The following BRWD3 variants were observed in gnomAD, a reference collection of about 807,000 sequenced individuals.
BRWD3 encodes bromodomain and WD repeat domain containing 3.
A neutral mutation model predicts 149.7 loss-of-function variants in BRWD3; 10 were observed. That is an observed-to-expected ratio of 0.07 (90% CI 0.04 to 0.11). BRWD3 has a LOEUF of 0.11. Ranked by LOEUF, BRWD3 falls within the 10% of genes least tolerant of loss-of-function variation. BRWD3 has a pLI of 1.00. For missense variants in BRWD3, 940 were observed against 1,373.2 expected, an observed-to-expected ratio of 0.68 and a Z score of 4.99; for synonymous variants, 504 against 456.7, an observed-to-expected ratio of 1.10 and a Z score of -1.32.
At chrX:80,807,190 C>T (rs2074356403) in intron 4 of BRWD3, among the ~76,000 whole-genome samples, 1 of 111,787 alleles carries the variant, frequency 8.9e-6, no homozygotes, top group African/African-American at 3.3e-5. Context: ...TACAAATTAA[C>T]CTGGCAGTAC....
At chrX:80,768,585 A>C (rs2073894521) in intron 6 of BRWD3, among the ~76,000 whole-genome samples, 1 of 111,756 alleles carries the variant, frequency 8.9e-6, no homozygotes, top group Non-Finnish European at 1.9e-5. Flanking sequence ...AGGAAGCACT[A>C]AACATGGAAA....
chrX:80,808,840 AC>A, intron 3 of BRWD3, among the ~76,000 whole-genome samples, 172 bp downstream of exon 3: 1 of 106,411 alleles, frequency 9.4e-6, no homozygotes. Flanking sequence ...ACGAGTTAAG[AC>A]CCCAGCGTTG....
chrX:80,795,365 A>C (rs1255466150), intron 4 of BRWD3, among the ~76,000 whole-genome samples: 1 of 109,765 alleles, frequency 9.1e-6, no homozygotes, highest in Admixed American at 9.8e-5. Flanking sequence ...ACACACACAC[A>C]CATGTGTATA....
intron 7 of BRWD3, 100 bp downstream of exon 7, chrX:80,745,469 A>C: frequency 1.2e-6 from 1 of 849,426 alleles, no homozygotes; most frequent in Non-Finnish European, 1.7e-6. Flanking sequence ...ATATATCCAA[A>C]AAAAGTGAAC....
chrX:80,802,572 A>C (rs774888335), intron 4 of BRWD3, among the ~76,000 whole-genome samples: 22 of 109,764 alleles, frequency 2.0e-4, no homozygotes, highest in African/African-American at 7.0e-4. Flanking sequence ...CGGTCTCTCT[A>C]TCCTAATTTT....
At chrX:80,685,281 T>C (rs1255676168) in intron 36 of BRWD3, among the ~76,000 whole-genome samples, 181 bp downstream of exon 36, 2 of 111,641 alleles carry the variant, frequency 1.8e-5, no homozygotes, top group African/African-American at 3.2e-5. Context: ...AGAACAGTCT[T>C]GAGAACACAT....
intron 6 of BRWD3, among the ~76,000 whole-genome samples, chrX:80,768,887 T>C (rs938752454): frequency 9.3e-5 from 10 of 107,797 alleles, no homozygotes; most frequent in African/African-American, 3.1e-4. Context: ...AGGAGGAAGA[T>C]CTACCAAGCA....
intron 6 of BRWD3, among the ~76,000 whole-genome samples, chrX:80,782,572 AT>A (rs2074067236): frequency 9.0e-6 from 1 of 111,627 alleles, no homozygotes; most frequent in African/African-American, 3.3e-5. Flanking sequence ...GAGAAAAAAT[AT>A]TTACAAAGTA....
chrX:80,687,105 T>TAC, intron 34 of BRWD3, 102 bp from the exon 35 acceptor site: 1 of 146,652 alleles, frequency 6.8e-6, no homozygotes, highest in Non-Finnish European at 1.1e-5. Flanking sequence ...TGTGTGTATA[T>TAC]ATATATATAT....
intron 6 of BRWD3, among the ~76,000 whole-genome samples, chrX:80,759,580 G>C (rs1312707025): frequency 1.8e-5 from 2 of 111,712 alleles, no homozygotes. Flanking sequence ...CAGCTCTTAC[G>C]TTTTAGCTAT....
At chrX:80,701,134 A>G (rs187434599) in intron 24 of BRWD3, among the ~76,000 whole-genome samples, 1 of 112,003 alleles carries the variant, frequency 8.9e-6, no homozygotes, top group Admixed American at 9.5e-5. Flanking sequence ...AGTTCATGTC[A>G]GAACTGGCAT....
chrX:80,778,933 A>T (rs780394228), intron 6 of BRWD3, among the ~76,000 whole-genome samples: 25 of 112,112 alleles, frequency 2.2e-4, no homozygotes, highest in African/African-American at 8.1e-4. Context: ...TGGGAGGTGG[A>T]GTTTGCAGTC....
intron 4 of BRWD3, among the ~76,000 whole-genome samples, chrX:80,798,188 T>C (rs2074257789): frequency 8.9e-6 from 1 of 111,935 alleles, no homozygotes; most frequent in Admixed American, 9.5e-5. Flanking sequence ...TAACAATCTT[T>C]TGAGTTTAAA....
rs558948838 is a variant in BRWD3, at chrX:80,683,902, T to C, written c.4233+108A>G. The C allele has an allele frequency of 8.2e-4, 611 of 746,333 alleles. 4 individuals carry two copies. The South Asian group carries it at 0.014, about 16-fold the overall frequency. 61.5% of individuals were successfully genotyped at this position (746,333 alleles called of 1,213,427 possible). On this transcript the variant is annotated intron_variant, in intron 37 of 40. Coordinates refer to ENST00000373275, the MANE Select transcript of BRWD3 (RefSeq NM_153252.5). ...TCAGAATGACTGCTAAATGTATCTT[T>C]ATGCATGCCTAACAAGCAATCCATG...
At position 80,728,918 on chromosome X, in the gene BRWD3, A is replaced by G; in HGVS notation, c.1233-13T>C. ...TGGCAAATTATTGCTAAACAAAACA[A>G]TTTGCAGTATTCATATCTTATAAAT... On this transcript the variant is annotated splice_polypyrimidine_tract_variant and intron_variant, in intron 13 of 40. Coordinates refer to ENST00000373275, the MANE Select transcript of BRWD3 (RefSeq NM_153252.5). 1 of 1,198,582 alleles carries G rather than the reference A, an allele frequency of 8.3e-7. No individual in the cohort carries two copies. Among genetic ancestry groups the G allele is most frequent in the Non-Finnish European group, 1.1e-6 (1 of 884,021 alleles).
At position 80,740,481 on chromosome X, in the gene BRWD3, G is replaced by A. The variant is rs144494984; in HGVS notation, c.813+3551C>T. ...ATTGAGGCTGAGTGCAGTGGCTCAC[G>A]TGCCTGTAATCCCAGCAATTTGGGA... is the stretch of plus-strand genomic sequence containing the variant. On this transcript the variant is annotated intron_variant, in intron 8 of 40. Transcript: ENST00000373275. Among the ~76,000 whole-genome samples, 41 of 112,307 alleles carry A rather than the reference G, an allele frequency of 3.7e-4. 1 individual carries two copies. In the East Asian group the frequency reaches 0.011, roughly 30 times the overall value.
At position 80,756,296 on chromosome X, in the gene BRWD3, G is replaced by C. The variant is rs775373177; in HGVS notation, c.431-10567C>G. On this transcript the variant is annotated intron_variant, in intron 6 of 40. Transcript: ENST00000373275. Reference sequence around the variant, plus strand: ...GTGGGCAGATCACCTGAGGTCAGGAGTTCAAGACCAGCCTGATCAACATGG... The same window carrying C: ...GTGGGCAGATCACCTGAGGTCAGGACTTCAAGACCAGCCTGATCAACATGG... Among the ~76,000 whole-genome samples the C allele has an allele frequency of 5.5e-5, 6 of 109,512 alleles. No individual in the cohort carries two copies. The South Asian group carries it at 2.4e-3, about 43-fold the overall frequency.
At chrX:80,721,286 T>A (rs1001429367) in intron 17 of BRWD3, among the ~76,000 whole-genome samples, 1 of 111,866 alleles carries the variant, frequency 8.9e-6, no homozygotes. Context: ...AGAAATAAAG[T>A]CTGATAAATT....
At chrX:80,781,274 A>C in intron 6 of BRWD3, among the ~76,000 whole-genome samples, 1 of 111,516 alleles carries the variant, frequency 9.0e-6, no homozygotes, top group Non-Finnish European at 1.9e-5. Flanking sequence ...GTATATCCCG[A>C]TCATTGTCCC....
Sources: allele counts gnomAD v4.1 joint callset (sites outside exome capture counted in the v4.1 genomes callset), GRCh38; gene constraint gnomAD v4.1.1; transcripts MANE v1.5; gene names NCBI Gene and HGNC (gene_info 2026-07-23, HGNC 2026-07-21).